MINDY4: variants seen among roughly 807,000 people sequenced by gnomAD.
The protein encoded by MINDY4 is probable ubiquitin carboxyl-terminal hydrolase MINDY-4.
Under a neutral mutation model 87.0 loss-of-function variants are expected in MINDY4, and 68 were observed. The ratio of observed to expected loss-of-function variants is 0.78; its 90% CI spans 0.64 to 0.96. The LOEUF (loss-of-function observed/expected upper bound fraction) is 0.96. Ranked by LOEUF, MINDY4 falls within the 40% of genes least tolerant of loss-of-function variation. MINDY4 has a pLI of 0.00. For missense variants in MINDY4, 919 were observed against 928.2 expected, an observed-to-expected ratio of 0.99 and a Z score of 0.13; for synonymous variants, 379 against 363.2, an observed-to-expected ratio of 1.04 and a Z score of -0.50.
At chr7:30,808,330 T>A (rs765195498) in intron 5 of MINDY4, among the ~76,000 whole-genome samples, 5 of 152,118 alleles carry the variant, frequency 3.3e-5, no homozygotes, top group Non-Finnish European at 7.4e-5. Flanking sequence ...TACCGGCACT[T>A]TGGTTTTTGT....
intron 14 of MINDY4, among the ~76,000 whole-genome samples, chr7:30,875,210 C>T (rs1388185820): frequency 1.3e-5 from 2 of 152,200 alleles, no homozygotes; most frequent in Non-Finnish European, 2.9e-5. Context: ...ACCAGTGCCC[C>T]CAGTAGCCTG....
chr7:30,844,707 A>C (rs1313700489), intron 9 of MINDY4, among the ~76,000 whole-genome samples: 1 of 152,160 alleles, frequency 6.6e-6, no homozygotes, highest in Admixed American at 6.5e-5. Context: ...GTTGGTGCCC[A>C]GGCTGGGAGG....
chr7:30,837,034 A>G (rs938747554), intron 7 of MINDY4, among the ~76,000 whole-genome samples: 1 of 152,110 alleles, frequency 6.6e-6, no homozygotes, highest in East Asian at 1.9e-4. Context: ...GAGCTGCTTC[A>G]TCATGTCCCT....
At chr7:30,880,798 G>C (rs373700442) in intron 15 of MINDY4, among the ~76,000 whole-genome samples, 1 of 152,260 alleles carries the variant, frequency 6.6e-6, no homozygotes, top group South Asian at 2.1e-4. Context: ...GCTTCGGTGT[G>C]GGGGGAGGGG....
At chr7:30,879,002 C>T (rs1026742320) in intron 15 of MINDY4, among the ~76,000 whole-genome samples, 2 of 152,222 alleles carry the variant, frequency 1.3e-5, no homozygotes, top group Non-Finnish European at 2.9e-5. Context: ...CCTGTCCCTT[C>T]ACTGAAACCA....
intron 12 of MINDY4, among the ~76,000 whole-genome samples, chr7:30,855,648 A>G (rs935203008): frequency 2.6e-5 from 4 of 152,134 alleles, no homozygotes; most frequent in East Asian, 1.9e-4. Context: ...ATCCTTGTCT[A>G]TGAGATGGAG....
chr7:30,794,014 G>C (rs1307915375), intron 5 of MINDY4, among the ~76,000 whole-genome samples: 1 of 152,140 alleles, frequency 6.6e-6, no homozygotes, highest in Non-Finnish European at 1.5e-5. Flanking sequence ...GTTCTGGGTG[G>C]GTGCAGATCC....
intron 6 of MINDY4, among the ~76,000 whole-genome samples, chr7:30,831,103 G>A (rs1788687368): frequency 1.3e-5 from 2 of 152,160 alleles, no homozygotes; most frequent in Non-Finnish European, 2.9e-5. Context: ...TTAGATGTTG[G>A]GATACTGGTG....
At chr7:30,788,538 A>G (rs1464770494) in intron 4 of MINDY4, among the ~76,000 whole-genome samples, 1 of 152,196 alleles carries the variant, frequency 6.6e-6, no homozygotes, top group East Asian at 1.9e-4. Flanking sequence ...TAAGTATTGC[A>G]AAGCTCTCAA....
chr7:30,886,416 C>T lies in MINDY4; in HGVS notation c.2225+3423C>T, dbSNP rs187102239. 5.3e-5 allele frequency among the ~76,000 whole-genome samples: 8 copies of T among 152,350 alleles called. No homozygotes were observed. The East Asian group carries it at 1.2e-3, about 22-fold the overall frequency. ...CCCACCCTTAAACCCAGCTCTGTTG[C>T]CCTGCAAGAACCCCCAAGCCACACA... On this transcript the variant is annotated intron_variant, in intron 17 of 17. Coordinates refer to ENST00000265299, the MANE Select transcript of MINDY4 (RefSeq NM_032222.3).
At chr7:30,823,998 G>A (rs1788420288) in intron 5 of MINDY4, among the ~76,000 whole-genome samples, 1 of 152,102 alleles carries the variant, frequency 6.6e-6, no homozygotes, top group Admixed American at 6.5e-5. Flanking sequence ...CATATAAATG[G>A]GGTCAATTTG....
At chr7:30,870,876 C>T (rs1790082305) in intron 13 of MINDY4, among the ~76,000 whole-genome samples, 1 of 152,208 alleles carries the variant, frequency 6.6e-6, no homozygotes, top group South Asian at 2.1e-4. Context: ...GGAAGGGGGC[C>T]AGGCTCTGAA....
chr7:30,830,750 C>A (rs912281102), intron 6 of MINDY4, among the ~76,000 whole-genome samples: 1 of 152,162 alleles, frequency 6.6e-6, no homozygotes, highest in South Asian at 2.1e-4. Flanking sequence ...CAAACCATAT[C>A]AGTTCTGGAA....
intron 9 of MINDY4, among the ~76,000 whole-genome samples, chr7:30,847,086 T>G (rs1420038241): frequency 6.6e-6 from 1 of 152,192 alleles, no homozygotes; most frequent in African/African-American, 2.4e-5. Flanking sequence ...ACCCAGTGTC[T>G]GCATTTGTAG....
intron 13 of MINDY4, among the ~76,000 whole-genome samples, chr7:30,860,445 G>A (rs1292249361): frequency 6.6e-6 from 1 of 152,150 alleles, no homozygotes; most frequent in Non-Finnish European, 1.5e-5. Flanking sequence ...CATTCCTGGC[G>A]TGGACTCACG....
chr7:30,839,119 T>G lies in MINDY4; in HGVS notation c.1240-81T>G, dbSNP rs1788956823. The G allele has an allele frequency of 3.5e-6, 3 of 851,762 alleles. No individual in the cohort carries two copies. The African/African-American group carries it at 5.2e-5, about 15-fold the overall frequency. The allele number at this position is 851,762 out of a possible 1,614,324, so 52.8% of individuals were successfully genotyped here. On this transcript the variant is annotated intron_variant, in intron 7 of 17. Coordinates refer to ENST00000265299, the MANE Select transcript of MINDY4 (RefSeq NM_032222.3). ...TTCCCTGCTAGAATTCAAGAACAAC[T>G]TCTGCAGGAATATGCACACTGAACA...
intron 15 of MINDY4, among the ~76,000 whole-genome samples, chr7:30,879,512 C>G (rs1388693839): frequency 6.6e-6 from 1 of 152,200 alleles, no homozygotes; most frequent in Admixed American, 6.5e-5. Flanking sequence ...CCCCCAATGC[C>G]CTGCCAGACC....
intron 5 of MINDY4, among the ~76,000 whole-genome samples, chr7:30,816,636 T>C (rs991995240): frequency 7.9e-6 from 1 of 126,684 alleles, no homozygotes; most frequent in African/African-American, 3.0e-5. Context: ...AAATCTGTCC[T>C]CACTGGGCGA....
intron 15 of MINDY4, among the ~76,000 whole-genome samples, chr7:30,877,579 C>T (rs1156589489): frequency 6.6e-6 from 1 of 152,138 alleles, no homozygotes; most frequent in African/African-American, 2.4e-5. Flanking sequence ...TCTCCTCCTC[C>T]ATGAGCTCAC....
Sources: allele counts gnomAD v4.1 joint callset (sites outside exome capture counted in the v4.1 genomes callset), GRCh38; gene constraint gnomAD v4.1.1; transcripts MANE v1.5; gene names NCBI Gene and HGNC (gene_info 2026-07-23, HGNC 2026-07-21).